PDE1C: variants seen among roughly 807,000 people sequenced by gnomAD.
PDE1C encodes dual specificity calcium/calmodulin-dependent 3',5'-cyclic nucleotide phosphodiesterase 1C.
Under a neutral mutation model 93.1 loss-of-function variants are expected in PDE1C, and 62 were observed. The ratio of observed to expected loss-of-function variants is 0.67; its 90% CI spans 0.54 to 0.82. PDE1C has a LOEUF of 0.82. PDE1C is among the 40% of genes least tolerant of loss of function. PDE1C has a pLI of 0.00. For synonymous variants in PDE1C, 325 were observed against 310.1 expected (o/e 1.05, Z -0.50); for missense variants, 742 against 884.6 (o/e 0.84, Z 2.04).
chr7:32,007,218 T>A (rs925663407), intron 2 of PDE1C, among the ~76,000 whole-genome samples: 2 of 152,186 alleles, frequency 1.3e-5, no homozygotes, highest in African/African-American at 4.8e-5. Context: ...TTGCTTGCCA[T>A]TTTCTGTTCA....
the PDE1C span, among the ~76,000 whole-genome samples, chr7:31,732,633 T>TC: frequency 2.7e-4 from 25 of 91,922 alleles, no homozygotes; most frequent in African/African-American, 1.2e-3. Context: ...CTCTCTCCTC[T>TC]CTTTCTGTGT....
intron 2 of PDE1C, among the ~76,000 whole-genome samples, chr7:31,927,162 G>C: frequency 8.5e-6 from 1 of 117,070 alleles, no homozygotes; most frequent in African/African-American, 3.3e-5. Flanking sequence ...CTGAGTAGGT[G>C]GTTAAACCCC....
chr7:31,711,568 A>G, the PDE1C span, among the ~76,000 whole-genome samples: 3 of 152,136 alleles, frequency 2.0e-5, no homozygotes, highest in African/African-American at 7.2e-5. Context: ...AGAAAGAGTA[A>G]ATTATACAAG....
In PDE1C at chr7:31,837,837, A is replaced by G. The variant is rs749227886; in HGVS notation, c.1082+33T>C. 4.0e-6 allele frequency: 6 copies of G among 1,482,820 alleles called. No homozygotes were observed. The South Asian group carries it at 4.5e-5, about 11-fold the overall frequency. 91.9% of individuals were successfully genotyped at this position (1,482,820 alleles called of 1,614,324 possible). On this transcript the variant is annotated intron_variant, in intron 10 of 17. Transcript: ENST00000396191. ...GACGAGGACCCATTCAAACACCTAT[A>G]CAAACAAAAACACAAGCCACAAGCA... is the stretch of plus-strand genomic sequence containing the variant.
At chr7:31,658,507 AG>A in the PDE1C span, 2 of 898,832 alleles carry the variant, frequency 2.2e-6, no homozygotes, top group African/African-American at 1.7e-5. Flanking sequence ...GAGAAGAAAA[AG>A]TTTTAGAGTG....
chr7:32,398,021 C>T (rs1384497154), intron 1 of PDE1C, among the ~76,000 whole-genome samples: 1 of 152,078 alleles, frequency 6.6e-6, no homozygotes, highest in East Asian at 2.0e-4. Flanking sequence ...GGGGTGGTGG[C>T]GGGCGCCTGT....
chr7:31,618,945 T>C, the PDE1C span, among the ~76,000 whole-genome samples: 2 of 152,166 alleles, frequency 1.3e-5, no homozygotes, highest in African/African-American at 4.8e-5. Context: ...GTCGAGAGAG[T>C]AGGTGACTCA....
intron 3 of PDE1C, among the ~76,000 whole-genome samples, chr7:32,138,684 A>C (rs536743761): frequency 6.6e-6 from 1 of 152,292 alleles, no homozygotes; most frequent in East Asian, 1.9e-4. Flanking sequence ...TAATTAATTA[A>C]AACTCACTGC....
intron 2 of PDE1C, among the ~76,000 whole-genome samples, chr7:32,030,686 G>C (rs902147289): frequency 6.6e-6 from 1 of 151,990 alleles, no homozygotes; most frequent in South Asian, 2.1e-4. Flanking sequence ...AGGACTTTCT[G>C]GTCAACTTCA....
chr7:31,962,919 C>G (rs1250165044), intron 2 of PDE1C, among the ~76,000 whole-genome samples: 1 of 152,184 alleles, frequency 6.6e-6, no homozygotes, highest in African/African-American at 2.4e-5. Context: ...CAAAAGGCTT[C>G]TGAAAAGACA....
intron 1 of PDE1C, among the ~76,000 whole-genome samples, chr7:32,052,075 G>A (rs1025667606): frequency 6.6e-6 from 1 of 152,092 alleles, no homozygotes; most frequent in Non-Finnish European, 1.5e-5. Context: ...TAGCACTGAG[G>A]TCCCTTTAAG....
intron 1 of PDE1C, among the ~76,000 whole-genome samples, chr7:32,296,107 G>A (rs1812597859): frequency 6.6e-6 from 1 of 152,092 alleles, no homozygotes; most frequent in Non-Finnish European, 1.5e-5. Context: ...TAAAAACAAT[G>A]TACATATTAG....
At chr7:32,417,618 A>G (rs944904834) in intron 1 of PDE1C, among the ~76,000 whole-genome samples, 1 of 151,338 alleles carries the variant, frequency 6.6e-6, no homozygotes, top group Non-Finnish European at 1.5e-5. Context: ...AAGCAATATT[A>G]ACTCCCAGGG....
intron 3 of PDE1C, among the ~76,000 whole-genome samples, chr7:32,122,750 C>T (rs1325626951): frequency 6.6e-6 from 1 of 152,134 alleles, no homozygotes; most frequent in African/African-American, 2.4e-5. Flanking sequence ...TAAATGCCCA[C>T]ATCATAAAGC....
chr7:32,128,145 T>A (rs1304019686), intron 3 of PDE1C, among the ~76,000 whole-genome samples: 2 of 151,116 alleles, frequency 1.3e-5, no homozygotes, highest in African/African-American at 2.4e-5. Context: ...GGTATTATAT[T>A]AGTTACATAA....
the PDE1C span, among the ~76,000 whole-genome samples, chr7:31,679,670 T>C: frequency 1.3e-5 from 2 of 152,168 alleles, no homozygotes; most frequent in South Asian, 2.1e-4. Context: ...TTTGGGAAAA[T>C]ATATGTGCTT....
chr7:32,365,275 A>G (rs941676282), intron 1 of PDE1C, among the ~76,000 whole-genome samples: 1 of 152,142 alleles, frequency 6.6e-6, no homozygotes, highest in Non-Finnish European at 1.5e-5. Context: ...AAGCTAGCCA[A>G]GCAGCCATGA....
At chr7:32,260,722 T>C (rs943371332) in intron 1 of PDE1C, among the ~76,000 whole-genome samples, 1 of 152,250 alleles carries the variant, frequency 6.6e-6, no homozygotes, top group Non-Finnish European at 1.5e-5. Flanking sequence ...GGAATTCAGT[T>C]CATGGTTTGA....
At chr7:32,357,395 A>G (rs1784052478) in intron 1 of PDE1C, among the ~76,000 whole-genome samples, 1 of 152,182 alleles carries the variant, frequency 6.6e-6, no homozygotes, top group Non-Finnish European at 1.5e-5. Context: ...TTCAGAGAAA[A>G]TATAAAATAA....
Sources: gnomAD v4.1 joint callset for allele counts (sites outside exome capture counted in the v4.1 genomes callset) on GRCh38, gnomAD v4.1.1 for gene constraint, MANE v1.5 for transcripts, NCBI Gene and HGNC (gene_info 2026-07-23, HGNC 2026-07-21) for gene names.